The following STK33 variants were observed in gnomAD, a reference collection of about 807,000 sequenced individuals.
STK33 encodes the protein serine/threonine kinase 33, also known as serine/threonine-protein kinase 33.
A neutral mutation model predicts 58.0 loss-of-function variants in STK33; 52 were observed. The ratio of observed to expected loss-of-function variants is 0.90; its 90% CI spans 0.72 to 1.13. The LOEUF is 1.13. Ranked by LOEUF, STK33 falls within the 50% of genes most tolerant of loss-of-function variation. The pLI, the probability that STK33 is intolerant of heterozygous loss-of-function variation, is 0.00. For missense variants in STK33, 630 were observed against 604.2 expected, an observed-to-expected ratio of 1.04 and a Z score of -0.45; for synonymous variants, 215 against 200.1, an observed-to-expected ratio of 1.07 and a Z score of -0.63.
At chr11:8,428,755 T>C (rs568507311) in intron 14 of STK33, among the ~76,000 whole-genome samples, 9 of 152,318 alleles carry the variant, frequency 5.9e-5, no homozygotes, top group African/African-American at 2.2e-4. Context: ...CGTGTATGAA[T>C]GAATTAATTG....
downstream of STK33, chr11:8,391,794 T>C (rs1194505140): frequency 6.6e-6 from 1 of 152,628 alleles, no homozygotes; most frequent in Non-Finnish European, 1.5e-5. Context: ...ATTGCAGCAG[T>C]AGAACAAACT....
intron 1 of STK33, among the ~76,000 whole-genome samples, chr11:8,538,259 T>G (rs1331235980): frequency 6.6e-6 from 1 of 152,110 alleles, no homozygotes; most frequent in Non-Finnish European, 1.5e-5. Context: ...ATAATGAGTA[T>G]CTTATACATA....
At chr11:8,375,408 A>G in the STK33 span, among the ~76,000 whole-genome samples, 1 of 152,214 alleles carries the variant, frequency 6.6e-6, no homozygotes, top group Non-Finnish European at 1.5e-5. Context: ...CTTGACAGAA[A>G]GAAACTTATT....
intron 1 of STK33, among the ~76,000 whole-genome samples, chr11:8,537,859 A>C (rs542478014): frequency 6.0e-5 from 9 of 151,196 alleles, no homozygotes; most frequent in Non-Finnish European, 1.0e-4. Context: ...AAAATGGATA[A>C]GTAACTAATG....
intron 12 of STK33, among the ~76,000 whole-genome samples, chr11:8,439,854 T>C (rs888778292): frequency 5.9e-5 from 8 of 134,712 alleles, no homozygotes; most frequent in Non-Finnish European, 1.2e-4. Flanking sequence ...AGATTACATA[T>C]ATATTATATT....
At chr11:8,553,167 AAT>A (rs56363010) in intron 1 of STK33, among the ~76,000 whole-genome samples, 20,494 of 67,644 alleles carry the variant, frequency 0.3, 3,202 homozygotes, top group Middle Eastern at 0.4. Flanking sequence ...CCAAAAATAA[AAT>A]ATATATATAT....
rs151024260 is a variant in STK33 at position 8,506,304 on chromosome 11, T to C, written c.-465-25690A>G. 4.0e-3 allele frequency among the ~76,000 whole-genome samples: 616 copies of C among 152,318 alleles called. 5 individuals are homozygous for C. Among genetic ancestry groups the C allele is most frequent in the African/African-American group, 0.014 (589 of 41,568 alleles). On this transcript the variant is annotated intron_variant, in intron 1 of 15. Transcript: ENST00000687296. ...CTTCTTTGAGGAGGTGGAAGGAAACTTACCTTCAGAGAAACTCTCTTTTTG... is the reference window on the plus strand; with the variant it reads ...CTTCTTTGAGGAGGTGGAAGGAAACCTACCTTCAGAGAAACTCTCTTTTTG...
chr11:8,350,075 T>C, the STK33 span, among the ~76,000 whole-genome samples: 1 of 152,230 alleles, frequency 6.6e-6, no homozygotes, highest in African/African-American at 2.4e-5. Flanking sequence ...AAAAGTGGCA[T>C]TGCTCGATGG....
chr11:8,570,722 T>G (rs938260647), intron 1 of STK33, among the ~76,000 whole-genome samples: 5 of 152,118 alleles, frequency 3.3e-5, no homozygotes, highest in African/African-American at 4.8e-5. Flanking sequence ...AGAGGCAGGA[T>G]GGAGACATTA....
At chr11:8,542,971 A>G (rs1040451131) in intron 1 of STK33, among the ~76,000 whole-genome samples, 1 of 152,110 alleles carries the variant, frequency 6.6e-6, no homozygotes, top group Non-Finnish European at 1.5e-5. Context: ...TCAGCCTCCC[A>G]AAGTGCTGGG....
chr11:8,466,412 GC>G (rs1352606526), intron 6 of STK33: 2 of 152,188 alleles, frequency 1.3e-5, no homozygotes, highest in Non-Finnish European at 2.9e-5. Context: ...AAGGCTACAG[GC>G]CCAATGCAAG....
chr11:8,417,861 G>C (rs866519797), intron 14 of STK33, among the ~76,000 whole-genome samples: 1 of 151,960 alleles, frequency 6.6e-6, no homozygotes, highest in Non-Finnish European at 1.5e-5. Flanking sequence ...TTTATGAGAA[G>C]GTAAATTAGC....
intron 1 of STK33, among the ~76,000 whole-genome samples, chr11:8,569,635 T>A (rs1957668818): frequency 6.6e-6 from 1 of 152,142 alleles, no homozygotes; most frequent in East Asian, 1.9e-4. Context: ...AATGTAAGAC[T>A]TCTACTCCTC....
the STK33 span, among the ~76,000 whole-genome samples, chr11:8,373,898 G>C: frequency 6.6e-6 from 1 of 152,330 alleles, no homozygotes; most frequent in East Asian, 1.9e-4. Flanking sequence ...GGCCCCTCCT[G>C]CCTCTCACCA....
At chr11:8,391,139 C>T (rs1003246586), downstream of STK33, among the ~76,000 whole-genome samples, 2 of 152,134 alleles carry the variant, frequency 1.3e-5, no homozygotes, top group Non-Finnish European at 2.9e-5. Context: ...ATCAGGTGAA[C>T]AGAACACGCC....
At position 8,454,795 on chromosome 11, in the gene STK33, C is replaced by T; in HGVS notation, c.735G>A (p.Met245Ile). 1.3e-6 allele frequency: 2 copies of T among 1,570,110 alleles called. No individual in the cohort carries two copies. Among genetic ancestry groups the T allele is most frequent in the South Asian group, 1.2e-5 (1 of 86,452 alleles). The change falls in exon 10 of 16, where the codon ATG becomes ATA. Residue 245 changes from methionine to isoleucine, a missense_variant. Transcript: ENST00000687296. ...VHRDLKLENI[M>I]VKSSLIDDNN... ...TATCATCAATAAGACTGCTTTTAAC[C>T]ATTATATTTTCCAGTTTCAGATCTC...
intron 1 of STK33, among the ~76,000 whole-genome samples, chr11:8,521,457 C>T (rs1953426364): frequency 1.3e-5 from 2 of 152,160 alleles, no homozygotes; most frequent in Admixed American, 6.5e-5. Flanking sequence ...CTTCCTTACA[C>T]CTTACACAAA....
intron 14 of STK33, 117 bp from the exon 15 acceptor site, chr11:8,413,809 A>G (rs1455822769): frequency 1.1e-6 from 1 of 908,770 alleles, no homozygotes; most frequent in Non-Finnish European, 1.7e-6. Context: ...AAAAGATTAT[A>G]ATGCTGAATA....
chr11:8,529,590 G>C (rs925411364), intron 1 of STK33, among the ~76,000 whole-genome samples: 1 of 152,070 alleles, frequency 6.6e-6, no homozygotes, highest in East Asian at 1.9e-4. Flanking sequence ...TTGTTGATGT[G>C]ATTATCTGGT....
Sources: gnomAD v4.1 joint callset for allele counts (sites outside exome capture counted in the v4.1 genomes callset) on GRCh38, gnomAD v4.1.1 for gene constraint, MANE v1.5 for transcripts, NCBI Gene and HGNC (gene_info 2026-07-23, HGNC 2026-07-21) for gene names.